The following THRB variants were observed in gnomAD, a reference collection of about 807,000 sequenced individuals.
The protein encoded by THRB is thyroid hormone receptor beta, also known as nuclear receptor subfamily 1 group A member 2.
A neutral mutation model predicts 47.8 loss-of-function variants in THRB; 12 were observed. The observed-to-expected ratio is 0.25, with a 90% CI of 0.16 to 0.41. The LOEUF (loss-of-function observed/expected upper bound fraction) is 0.41. Among genes scored for constraint, THRB ranks in the 10% least tolerant of loss-of-function variants. The pLI, the probability that THRB is intolerant of heterozygous loss-of-function variation, is 1.00. For missense variants in THRB, 348 were observed against 589.2 expected, an observed-to-expected ratio of 0.59 and a Z score of 4.24; for synonymous variants, 218 against 212.2, an observed-to-expected ratio of 1.03 and a Z score of -0.24.
chr3:24,133,581 C>A, intron 8 of THRB, 119 bp from the exon 9 acceptor site: 1 of 944,516 alleles, frequency 1.1e-6, no homozygotes, highest in Non-Finnish European at 1.7e-6. Flanking sequence ...TTCCAGTTTT[C>A]ACATCATTTG....
chr3:24,225,075 G>C (rs1159455659), intron 4 of THRB, among the ~76,000 whole-genome samples: 1 of 152,178 alleles, frequency 6.6e-6, no homozygotes, highest in African/African-American at 2.4e-5. Flanking sequence ...CAATCACTAT[G>C]AACAAGCAAG....
intron 2 of THRB, among the ~76,000 whole-genome samples, chr3:24,335,253 A>G (rs2062173306): frequency 6.6e-6 from 1 of 152,218 alleles, no homozygotes; most frequent in Non-Finnish European, 1.5e-5. Context: ...CTCTACTCCC[A>G]GAACTCCCAG....
chr3:24,396,244 C>G lies in THRB; in HGVS notation c.-260-58873G>C, dbSNP rs559564748. On this transcript the variant is annotated intron_variant, in intron 1 of 10. Coordinates refer to ENST00000646209, the MANE Select transcript of THRB (RefSeq NM_001354712.2). ...GACCTTAGTTCTCAGCTACGGCTGC[C>G]CCTTAAAATCATCTGGGGCATTTCT... Among the ~76,000 whole-genome samples, 7 of 152,134 alleles carry G rather than the reference C, an allele frequency of 4.6e-5. No homozygotes were observed. In the East Asian group the frequency reaches 1.4e-3, roughly 29 times the overall value.
intron 5 of THRB, among the ~76,000 whole-genome samples, chr3:24,188,759 C>CACAG (rs1491436981): frequency 8.4e-3 from 5 of 594 alleles, no homozygotes; most frequent in Non-Finnish European, 0.013. Context: ...CACACACGTG[C>CACAG]ACACACACAC....
At chr3:24,470,022 T>C (rs1029352706) in intron 1 of THRB, among the ~76,000 whole-genome samples, 1 of 152,184 alleles carries the variant, frequency 6.6e-6, no homozygotes, top group Non-Finnish European at 1.5e-5. Flanking sequence ...ACTGTTCTTC[T>C]AGAGGGTCAT....
chr3:24,437,084 A>G (rs1366970331), intron 1 of THRB, among the ~76,000 whole-genome samples: 1 of 149,520 alleles, frequency 6.7e-6, no homozygotes, highest in Non-Finnish European at 1.5e-5. Flanking sequence ...TATATATATC[A>G]TAAAAATGTG....
chr3:24,174,747 C>A (rs1024724494), intron 5 of THRB, among the ~76,000 whole-genome samples: 2 of 152,152 alleles, frequency 1.3e-5, no homozygotes, highest in African/African-American at 2.4e-5. Flanking sequence ...GGCCCATGCA[C>A]TGTGCTAACC....
At chr3:24,477,084 G>A (rs1560285256) in intron 1 of THRB, among the ~76,000 whole-genome samples, 1 of 135,640 alleles carries the variant, frequency 7.4e-6, no homozygotes, top group East Asian at 2.0e-4. Flanking sequence ...ACATATAAAG[G>A]GGTGTGTGTG....
intron 1 of THRB, among the ~76,000 whole-genome samples, chr3:24,388,739 T>G (rs2066325738): frequency 6.6e-6 from 1 of 152,086 alleles, no homozygotes; most frequent in African/African-American, 2.4e-5. Context: ...TGAGGGCATT[T>G]GAGCTGATGG....
intron 1 of THRB, among the ~76,000 whole-genome samples, chr3:24,409,877 A>G (rs1249189699): frequency 6.6e-6 from 1 of 151,852 alleles, no homozygotes; most frequent in African/African-American, 2.4e-5. Flanking sequence ...ATATCTGTAG[A>G]CATTCCTGCA....
At chr3:24,401,392 T>C (rs977960239) in intron 1 of THRB, among the ~76,000 whole-genome samples, 3 of 152,104 alleles carry the variant, frequency 2.0e-5, no homozygotes, top group Admixed American at 6.6e-5. Flanking sequence ...AAAGAGACTT[T>C]TTTTGCATTC....
chr3:24,486,381 A>G (rs1697300085), intron 1 of THRB: 2 of 152,178 alleles, frequency 1.3e-5, no homozygotes, highest in Non-Finnish European at 2.9e-5. Context: ...ATGCTCTACC[A>G]TGGTGTCTTG....
intron 3 of THRB, among the ~76,000 whole-genome samples, chr3:24,251,387 T>G (rs1235371412): frequency 6.6e-6 from 1 of 151,888 alleles, no homozygotes; most frequent in Non-Finnish European, 1.5e-5. Flanking sequence ...TGTAAAGATA[T>G]CCCAAAGCTG....
At chr3:24,339,018 C>T (rs2062445925) in intron 1 of THRB, among the ~76,000 whole-genome samples, 1 of 152,176 alleles carries the variant, frequency 6.6e-6, no homozygotes, top group African/African-American at 2.4e-5. Context: ...TCAAAGACTA[C>T]ATTAACAAAG....
intron 1 of THRB, among the ~76,000 whole-genome samples, chr3:24,428,371 A>G (rs1336094291): frequency 2.6e-5 from 4 of 152,050 alleles, no homozygotes; most frequent in Admixed American, 6.6e-5. Context: ...TCTTTGCTGT[A>G]TGATAGCAAC....
At chr3:24,392,399 C>T (rs2066642758) in intron 1 of THRB, among the ~76,000 whole-genome samples, 1 of 152,106 alleles carries the variant, frequency 6.6e-6, no homozygotes, top group Non-Finnish European at 1.5e-5. Flanking sequence ...TACAACTCTT[C>T]TACCTATTTA....
chr3:24,151,136 C>T (rs564503729), intron 6 of THRB, among the ~76,000 whole-genome samples: 2 of 152,298 alleles, frequency 1.3e-5, no homozygotes, highest in South Asian at 2.1e-4. Context: ...GAACATGTTA[C>T]ACCACATTCC....
At chr3:24,444,069 A>T (rs1269385696) in intron 1 of THRB, among the ~76,000 whole-genome samples, 1 of 152,146 alleles carries the variant, frequency 6.6e-6, no homozygotes, top group Non-Finnish European at 1.5e-5. Flanking sequence ...ATGCAAAAAA[A>T]TTTCTTTAAC....
At position 24,229,018 on chromosome 3, in the gene THRB, C is replaced by CAA. The variant is rs200544001; in HGVS notation, c.-42-19_-42-18dup. ...TGACATCTCCTACAAGGAAAAAATA[C>CAA]AAAAAAAATCACAGATTATAATCTG... is the stretch of plus-strand genomic sequence containing the variant. On this transcript the variant is annotated splice_polypyrimidine_tract_variant and intron_variant, in intron 3 of 10. Coordinates refer to ENST00000646209, the MANE Select transcript of THRB (RefSeq NM_001354712.2). 42 of 1,320,108 alleles carry CAA rather than the reference C, an allele frequency of 3.2e-5. No individual in the cohort carries two copies. Among genetic ancestry groups the CAA allele is most frequent in the Non-Finnish European group, 3.9e-5 (36 of 920,172 alleles). 81.8% of individuals were successfully genotyped at this position (1,320,108 alleles called of 1,614,324 possible).
Sources: allele counts gnomAD v4.1 joint callset (sites outside exome capture counted in the v4.1 genomes callset), GRCh38; gene constraint gnomAD v4.1.1; transcripts MANE v1.5; gene names NCBI Gene and HGNC (gene_info 2026-07-23, HGNC 2026-07-21).